Variants in SPECC1 observed in about 807,000 individuals in gnomAD.
The protein encoded by SPECC1 is sperm antigen with calponin homology and coiled-coil domains 1.
SPECC1 carries 62 observed loss-of-function variants against 104.1 expected under a neutral mutation model. The ratio of observed to expected loss-of-function variants is 0.60; its 90% CI spans 0.49 to 0.74. SPECC1 has a LOEUF of 0.74. Ranked by LOEUF, SPECC1 falls within the 30% of genes least tolerant of loss-of-function variation. The probability of loss-of-function intolerance (pLI) is 0.00; values close to 1 mark genes in which losing one functional copy is unlikely to be tolerated. For synonymous variants in SPECC1, 513 were observed against 501.6 expected (o/e 1.02, Z -0.30); for missense variants, 1,306 against 1,310.5 (o/e 1.00, Z 0.05).
At chr17:20,195,375 A>T (rs2035961683) in intron 3 of SPECC1, among the ~76,000 whole-genome samples, 1 of 121,678 alleles carries the variant, frequency 8.2e-6, no homozygotes, top group African/African-American at 2.8e-5. Flanking sequence ...TTAATAACAC[A>T]CTAAATAATA....
At chr17:20,285,231 G>A (rs1022604041) in intron 12 of SPECC1, among the ~76,000 whole-genome samples, 7 of 152,218 alleles carry the variant, frequency 4.6e-5, no homozygotes, top group South Asian at 2.1e-4. Flanking sequence ...GTCCTGCTGC[G>A]TTATTCATGA....
intron 8 of SPECC1, 21 bp from the exon 9 acceptor site, chr17:20,247,198 T>C: frequency 1.3e-6 from 2 of 1,580,132 alleles, no homozygotes; most frequent in Non-Finnish European, 1.7e-6. Flanking sequence ...ATATAAATGT[T>C]CCCATGTTTT....
At position 20,128,227 on chromosome 17, in the gene SPECC1, CG is replaced by C. The variant is rs909712166; in HGVS notation, c.283+17666del. ...CAGTGTTGAGAATTCAAATACCAGG[CG>C]TGTTGACATCAGTGACTTTGAAATG... On this transcript the variant is annotated intron_variant, in intron 3 of 14. Coordinates refer to ENST00000395527, the MANE Select transcript of SPECC1 (RefSeq NM_001243439.2). 9.2e-5 allele frequency among the ~76,000 whole-genome samples: 14 copies of C among 152,076 alleles called. 1 individual carries two copies. Among genetic ancestry groups the C allele is most frequent in the African/African-American group, 3.4e-4 (14 of 41,394 alleles).
intron 3 of SPECC1, among the ~76,000 whole-genome samples, chr17:20,181,277 A>C (rs1289380943): frequency 7.9e-5 from 12 of 152,144 alleles, no homozygotes; most frequent in Non-Finnish European, 1.6e-4. Flanking sequence ...AAAAAAGTAC[A>C]AAATAAAGAG....
At chr17:20,219,002 A>G (rs2151422450) in intron 4 of SPECC1, among the ~76,000 whole-genome samples, 1 of 152,338 alleles carries the variant, frequency 6.6e-6, no homozygotes, top group East Asian at 1.9e-4. Context: ...TTTATGGCTG[A>G]ATACTCTGTT....
chr17:20,250,217 G>C (rs762226067), intron 9 of SPECC1, among the ~76,000 whole-genome samples: 1 of 152,266 alleles, frequency 6.6e-6, no homozygotes, highest in South Asian at 2.1e-4. Flanking sequence ...TGCTGTACCT[G>C]GTGAAAATAC....
chr17:20,130,549 A>G (rs2049560634), intron 3 of SPECC1, among the ~76,000 whole-genome samples: 1 of 152,118 alleles, frequency 6.6e-6, no homozygotes, highest in South Asian at 2.1e-4. Context: ...AAAAAAGAAA[A>G]TATCAGTTGG....
At chr17:20,214,008 G>C (rs184488461) in intron 4 of SPECC1, among the ~76,000 whole-genome samples, 4 of 152,064 alleles carry the variant, frequency 2.6e-5, no homozygotes, top group Admixed American at 6.6e-5. Flanking sequence ...TTATCACCCC[G>C]TAAAAAAATC....
intron 5 of SPECC1, among the ~76,000 whole-genome samples, chr17:20,228,826 A>G (rs1193068579): frequency 6.6e-6 from 1 of 152,200 alleles, no homozygotes; most frequent in African/African-American, 2.4e-5. Context: ...AGCCTTACCA[A>G]ATTATCACAT....
intron 5 of SPECC1, among the ~76,000 whole-genome samples, chr17:20,227,960 G>A (rs1241677869): frequency 1.3e-5 from 2 of 151,246 alleles, no homozygotes; most frequent in African/African-American, 2.4e-5. Flanking sequence ...GCAGCAGTGG[G>A]TGACGAGGGG....
rs1488647289 is a variant in SPECC1 at position 20,318,681 on chromosome 17, A to G, written c.*4616A>G. ...AGTGCCATTTTGAGATGACCTACCA[A>G]TGACATGCAGTAAAGGACATAACCT... On this transcript the variant is annotated 3_prime_UTR_variant, in exon 15 of 15. Transcript: ENST00000395527. 8.8e-6 allele frequency: 2 copies of G among 226,310 alleles called. No individual in the cohort carries two copies. Among genetic ancestry groups the G allele is most frequent in the African/African-American group, 2.2e-5 (1 of 44,938 alleles). The allele number at this position is 226,310 out of a possible 1,614,324, so 14.0% of individuals were successfully genotyped here. A position where few individuals can be genotyped will look rare whatever the true frequency, so the allele number is the denominator to read the frequency against.
chr17:20,225,684 C>A lies in SPECC1; in HGVS notation c.1864-1729C>A, dbSNP rs9905976. ...TCAAGACGGTCTTTCCTCCCCTCTC[C>A]GGTGCATCTTTCCTTGATATGATGT... is the stretch of plus-strand genomic sequence containing the variant. On this transcript the variant is annotated intron_variant, in intron 4 of 14. Coordinates refer to ENST00000395527, the MANE Select transcript of SPECC1 (RefSeq NM_001243439.2). 3.9e-5 allele frequency among the ~76,000 whole-genome samples: 6 copies of A among 152,076 alleles called. No individual in the cohort carries two copies. The South Asian group carries it at 1.2e-3, about 32-fold the overall frequency.
chr17:20,087,375 G>T (rs2047218185), intron 1 of SPECC1, among the ~76,000 whole-genome samples: 1 of 152,182 alleles, frequency 6.6e-6, no homozygotes, highest in Admixed American at 6.5e-5. Flanking sequence ...GTGCTGGAAG[G>T]CTCTATATTC....
At chr17:20,225,180 C>T (rs867259916) in intron 4 of SPECC1, among the ~76,000 whole-genome samples, 3 of 152,194 alleles carry the variant, frequency 2.0e-5, no homozygotes, top group African/African-American at 7.2e-5. Context: ...ACAAAGTCCT[C>T]TTTACTCTTC....
intron 1 of SPECC1, among the ~76,000 whole-genome samples, chr17:20,033,934 C>G (rs748409817): frequency 9.9e-5 from 15 of 152,180 alleles, no homozygotes; most frequent in African/African-American, 3.1e-4. Flanking sequence ...TGATAGGGCT[C>G]TCTTCCTAAA....
At chr17:20,143,818 T>TG (rs1267067568) in intron 3 of SPECC1, among the ~76,000 whole-genome samples, 2 of 151,900 alleles carry the variant, frequency 1.3e-5, no homozygotes, top group Non-Finnish European at 2.9e-5. Flanking sequence ...GCAGCAGGGA[T>TG]GGGGGGCTGA....
intron 1 of SPECC1, among the ~76,000 whole-genome samples, chr17:20,051,207 G>T (rs1460304166): frequency 7.0e-6 from 1 of 141,978 alleles, no homozygotes; most frequent in African/African-American, 2.6e-5. Flanking sequence ...ACAGAGTCTT[G>T]CTTTGTTACT....
intron 3 of SPECC1, among the ~76,000 whole-genome samples, chr17:20,151,109 T>C (rs1335258464): frequency 6.6e-6 from 1 of 152,238 alleles, no homozygotes; most frequent in African/African-American, 2.4e-5. Flanking sequence ...TACCTTTACA[T>C]TTGAAATTAC....
At chr17:20,294,407 G>A (rs1167742023) in intron 12 of SPECC1, among the ~76,000 whole-genome samples, 4 of 152,162 alleles carry the variant, frequency 2.6e-5, no homozygotes, top group Admixed American at 6.5e-5. Flanking sequence ...GTGTGCTGAC[G>A]GGGCTGCTGA....
Sources: allele counts gnomAD v4.1 joint callset (sites outside exome capture counted in the v4.1 genomes callset), GRCh38; gene constraint gnomAD v4.1.1; transcripts MANE v1.5; gene names NCBI Gene and HGNC (gene_info 2026-07-23, HGNC 2026-07-21).